PDE5A: variants seen among roughly 807,000 people sequenced by gnomAD.
PDE5A encodes cGMP-specific 3',5'-cyclic phosphodiesterase.
A neutral mutation model predicts 110.2 loss-of-function variants in PDE5A; 67 were observed. The observed-to-expected ratio is 0.61, with a 90% CI of 0.50 to 0.75. PDE5A has a LOEUF of 0.75. Ranked by LOEUF, PDE5A falls within the 30% of genes least tolerant of loss-of-function variation. The pLI is 0.00. For synonymous variants in PDE5A, 328 were observed against 351.2 expected, an observed-to-expected ratio of 0.93 and a Z score of 0.74; for missense variants, 862 against 1,045.1, an observed-to-expected ratio of 0.82 and a Z score of 2.42.
In PDE5A at chr4:119,627,387, C is replaced by A. The variant is rs1730394741; in HGVS notation, c.152+1133G>T. 5 of 836,636 alleles carry A rather than the reference C, an allele frequency of 6.0e-6. No homozygotes were observed. The highest frequency in any genetic ancestry group is 7.2e-6 in the Non-Finnish European group (5 of 692,864). 51.8% of individuals were successfully genotyped at this position (836,636 alleles called of 1,614,324 possible). On this transcript the variant is annotated intron_variant, in intron 1 of 20. Transcript: ENST00000354960. The surrounding 1 kb of genome is among the most constrained non-coding windows in gnomAD (Gnocchi z 4.6). ...GGGGAGCGACCGGCAGAGCCGCGGC[C>A]GCGCGCCGGCGAGTGGGACCCGGGC...
chr4:119,511,757 C>T (rs958350435), intron 14 of PDE5A, among the ~76,000 whole-genome samples: 2 of 152,182 alleles, frequency 1.3e-5, no homozygotes, highest in African/African-American at 2.4e-5. Flanking sequence ...GAATATCCTG[C>T]TAGTTCTGCT....
At chr4:119,506,153 T>A (rs1480165100) in intron 16 of PDE5A, among the ~76,000 whole-genome samples, 1 of 151,898 alleles carries the variant, frequency 6.6e-6, no homozygotes, top group African/African-American at 2.4e-5. Flanking sequence ...ACCTAATTTT[T>A]AACTATAGAT....
intron 10 of PDE5A, among the ~76,000 whole-genome samples, chr4:119,540,665 T>C (rs1198049343): frequency 6.6e-6 from 1 of 152,220 alleles, no homozygotes; most frequent in Non-Finnish European, 1.5e-5. Context: ...ATTAACTTTG[T>C]TAATACATGT....
chr4:119,598,784 T>G (rs764707441), intron 2 of PDE5A, among the ~76,000 whole-genome samples: 1 of 152,122 alleles, frequency 6.6e-6, no homozygotes, highest in Non-Finnish European at 1.5e-5. Context: ...CAGAATTGAA[T>G]GGAGCTCCAA....
chr4:119,609,603 CA>C lies in PDE5A; in HGVS notation c.153-2307del, dbSNP rs58933130. ...ATACCCCATCTAGAATGTAATCGGT[CA>C]AAATGAAAAGATAAAAATATTACCC... On this transcript the variant is annotated intron_variant, in intron 1 of 20. Transcript: ENST00000354960. Among the ~76,000 whole-genome samples, 564 of 151,794 alleles carry C rather than the reference CA, an allele frequency of 3.7e-3. 4 individuals are homozygous for C. Among genetic ancestry groups the C allele is most frequent in the African/African-American group, 0.012 (516 of 41,358 alleles).
intron 12 of PDE5A, among the ~76,000 whole-genome samples, chr4:119,521,287 G>A (rs1470496612): frequency 6.6e-6 from 1 of 151,792 alleles, no homozygotes; most frequent in East Asian, 1.9e-4. Context: ...AGCCTACCAT[G>A]TTAAGTACCA....
chr4:119,524,066 C>G (rs1423766568), intron 12 of PDE5A, among the ~76,000 whole-genome samples: 2 of 152,070 alleles, frequency 1.3e-5, no homozygotes, highest in Non-Finnish European at 2.9e-5. Context: ...GACATGGACT[C>G]TACACCTGTT....
rs1421756457 is a variant in PDE5A at position 119,628,785 on chromosome 4, C to T, written c.-114G>A. On this transcript the variant is annotated 5_prime_UTR_variant, in exon 1 of 21. Transcript: ENST00000354960. ...GAGACCCTCCCCCTTCGTCCTGCTC[C>T]AGTCGGGCCGGCTTTCGACAAAGCG... 6.8e-7 allele frequency: 1 copy of T among 1,462,510 alleles called. No individual in the cohort carries two copies. The highest frequency in any genetic ancestry group is 9.3e-7 in the Non-Finnish European group (1 of 1,078,560). The allele number at this position is 1,462,510 out of a possible 1,614,324, so 90.6% of individuals were successfully genotyped here. A position where few individuals can be genotyped will look rare whatever the true frequency, so the allele number is the denominator to read the frequency against.
Position 119,596,553 on chromosome 4 carries a change from A to G in PDE5A, c.801T>C (p.Leu267=). ...QITGYKTQSI[L]CMPIKNHREE... ...CCCTATGATTCTTAATTGGCATACAAAGAATGCTTTGTGTCTTGTAGCCTG... is the reference window on the plus strand; with the variant it reads ...CCCTATGATTCTTAATTGGCATACAGAGAATGCTTTGTGTCTTGTAGCCTG... The change falls in exon 3 of 21, where the codon CTT becomes CTC. Residue 267 remains leucine (L), a synonymous_variant. Coordinates refer to ENST00000354960, the MANE Select transcript of PDE5A (RefSeq NM_001083.4). 2 of 1,598,988 alleles carry G rather than the reference A, an allele frequency of 1.3e-6. No homozygotes were observed. The highest frequency in any genetic ancestry group is 1.7e-6 in the Non-Finnish European group (2 of 1,172,312).
chr4:119,580,874 ACT>A (rs761936987), intron 3 of PDE5A, among the ~76,000 whole-genome samples: 32 of 152,312 alleles, frequency 2.1e-4, no homozygotes, highest in Non-Finnish European at 4.1e-4. Context: ...TAATTCCACC[ACT>A]GTTTATGTTC....
At position 119,627,061 on chromosome 4, in the gene PDE5A, G is replaced by T; in HGVS notation, c.152+1459C>A. Reference sequence around the variant, plus strand: ...TTCAATGATACATCGTCCCACTGGTGCCACCGGGGCGCCACCACCCAGCAC... The same window carrying T: ...TTCAATGATACATCGTCCCACTGGTTCCACCGGGGCGCCACCACCCAGCAC... On this transcript the variant is annotated intron_variant, in intron 1 of 20. Transcript: ENST00000354960. This position sits in a 1 kb window ranked among gnomAD's most constrained non-coding sequence, Gnocchi z 4.6. 6.8e-7 allele frequency: 1 copy of T among 1,460,610 alleles called. No individual in the cohort carries two copies. Among genetic ancestry groups the T allele is most frequent in the Non-Finnish European group, 9.5e-7 (1 of 1,053,098 alleles). The allele number at this position is 1,460,610 out of a possible 1,614,324, so 90.5% of individuals were successfully genotyped here.
intron 9 of PDE5A, chr4:119,548,877 C>G (rs2110492884): frequency 6.6e-6 from 1 of 152,132 alleles, no homozygotes; most frequent in South Asian, 2.1e-4. Flanking sequence ...GGGAAAAAAC[C>G]TGGATACTTT....
Position 119,498,610 on chromosome 4 carries a change from C to T in PDE5A, c.2619G>A (p.Lys873=), listed in dbSNP as rs1417259575. 6.2e-7 allele frequency: 1 copy of T among 1,613,864 alleles called. No homozygotes were observed. The highest frequency in any genetic ancestry group is 8.5e-7 in the Non-Finnish European group (1 of 1,179,908). The change falls in exon 21 of 21, where the codon AAG becomes AAA. Residue 873 remains lysine, a synonymous_variant. Transcript: ENST00000354960. ...GCATGAAATAGGCCACTCAGTTCCG[C>T]TTGGCCTGGCCGCTTTCCCCATTAA... is the stretch of plus-strand genomic sequence containing the variant. ...MLINGESGQA[K]RN
chr4:119,608,239 G>A (rs2110550674), intron 1 of PDE5A, among the ~76,000 whole-genome samples: 1 of 152,202 alleles, frequency 6.6e-6, no homozygotes, highest in South Asian at 2.1e-4. Context: ...CTTTATCTAA[G>A]TTTAAAACTG....
At chr4:119,575,302 C>G (rs1244727190) in intron 3 of PDE5A, among the ~76,000 whole-genome samples, 1 of 152,152 alleles carries the variant, frequency 6.6e-6, no homozygotes, top group Non-Finnish European at 1.5e-5. Context: ...TCTAGCAAGG[C>G]AGGCCAACAT....
rs199830507 is a variant in PDE5A at position 119,606,917 on chromosome 4, C to T, written c.533G>A (p.Gly178Glu). The T allele has an allele frequency of 6.2e-7, 1 of 1,614,206 alleles. No individual in the cohort carries two copies. Among genetic ancestry groups the T allele is most frequent in the African/African-American group, 1.3e-5 (1 of 75,056 alleles). Residue 178 changes from glycine to glutamate, a missense_variant, in exon 2 of 21, where the codon GGA (glycine) becomes GAA (glutamate). Transcript: ENST00000354960. ...LCHKIFLHIHGLISADRYSLF... is the reference protein window; with the variant it reads ...LCHKIFLHIHELISADRYSLF... ...GGAATAGCGGTCAGCAGATATCAGT[C>T]CATGGATATGCAAGAAAATTTTGTG... is the stretch of plus-strand genomic sequence containing the variant.
intron 19 of PDE5A, among the ~76,000 whole-genome samples, chr4:119,502,113 C>G (rs897527424): frequency 2.6e-5 from 4 of 152,088 alleles, no homozygotes; most frequent in African/African-American, 9.7e-5. Flanking sequence ...TCCTTCCTTT[C>G]TCTGTCAGCC....
At chr4:119,559,766 A>G (rs1240552016) in intron 7 of PDE5A, among the ~76,000 whole-genome samples, 2 of 152,206 alleles carry the variant, frequency 1.3e-5, no homozygotes, top group Non-Finnish European at 2.9e-5. Context: ...ATAATCTTCA[A>G]TGCATGATCA....
intron 3 of PDE5A, among the ~76,000 whole-genome samples, chr4:119,595,425 G>C (rs754296754): frequency 3.3e-5 from 5 of 152,150 alleles, no homozygotes; most frequent in African/African-American, 7.2e-5. Flanking sequence ...ACATTTCCGC[G>C]TGTGTCTGTG....
Sources: gnomAD v4.1 joint callset for allele counts (sites outside exome capture counted in the v4.1 genomes callset) on GRCh38, gnomAD v4.1.1 for gene constraint, Gnocchi (gnomAD v3.1) non-coding constraint, MANE v1.5 for transcripts, NCBI Gene and HGNC (gene_info 2026-07-23, HGNC 2026-07-21) for gene names.